The following NDST1 variants were observed in gnomAD, a reference collection of about 807,000 sequenced individuals.
NDST1 encodes the protein bifunctional heparan sulfate N-deacetylase/N-sulfotransferase 1.
In NDST1, 35 loss-of-function variants were observed where a neutral mutation model predicts 92.8. The ratio of observed to expected loss-of-function variants is 0.38; its 90% confidence interval spans 0.29 to 0.50. The LOEUF is 0.50. NDST1 is among the 20% of genes least tolerant of loss of function. The pLI is 0.94. For missense variants in NDST1, 822 were observed against 1,182.7 expected (o/e 0.69, Z 4.47); for synonymous variants, 493 against 500.3 (o/e 0.99, Z 0.19).
At chr5:150,541,135 G>A (rs1228002601) in intron 8 of NDST1, among the ~76,000 whole-genome samples, 1 of 152,200 alleles carries the variant, frequency 6.6e-6, no homozygotes, top group African/African-American at 2.4e-5. Context: ...AGACAGCCAC[G>A]CTCATTCTTG....
At chr5:150,528,996 C>T (rs1048173075) in intron 3 of NDST1, among the ~76,000 whole-genome samples, 6 of 151,946 alleles carry the variant, frequency 3.9e-5, no homozygotes, top group Admixed American at 2.0e-4. Flanking sequence ...AATGTCAGAG[C>T]GCCTACAAAA....
At chr5:150,546,538 G>A (rs1755492231) in intron 11 of NDST1, among the ~76,000 whole-genome samples, 1 of 152,382 alleles carries the variant, frequency 6.6e-6, no homozygotes, top group African/African-American at 2.4e-5. Context: ...CAGCAGACCA[G>A]GCCTGTGCTT....
At chr5:150,513,505 G>T (rs1164064441) in intron 1 of NDST1, among the ~76,000 whole-genome samples, 1 of 152,180 alleles carries the variant, frequency 6.6e-6, no homozygotes, top group Non-Finnish European at 1.5e-5. Flanking sequence ...TTCAAGCTCA[G>T]GCAGGCTAGC....
At position 150,553,257 on chromosome 5, in the gene NDST1, G is replaced by A. The variant is rs1178778709; in HGVS notation, c.2574G>A (p.Glu858=). Residue 858 remains glutamate (E), a synonymous_variant, in exon 15 of 15, where the codon GAG becomes GAA. Transcript: ENST00000261797. The surrounding 1 kb of genome is among the most constrained non-coding windows in gnomAD (Gnocchi z 4.2). ...ACTATTACCGGGACCACAACATCGA[G>A]CTCTCCAAGCTGCTGTATAAGATGG... The part of the protein sequence containing the change: ...LKDYYRDHNI[E]LSKLLYKMGQ... The A allele has an allele frequency of 6.2e-7, 1 of 1,613,812 alleles. No homozygotes were observed.
intron 3 of NDST1, among the ~76,000 whole-genome samples, chr5:150,529,522 T>G (rs184847287): frequency 2.5e-3 from 374 of 151,634 alleles, no homozygotes; most frequent in African/African-American, 8.6e-3. Context: ...CATTAAACAA[T>G]CTTTAAAATA....
Position 150,555,457 on chromosome 5 carries a change from T to C in NDST1, c.*2125T>C, listed in dbSNP as rs1009179361. ...GGTGGTTTCACTGTGTACACAGCAG[T>C]GTCCCCATCATGCCTCTCAATGGGG... On this transcript the variant is annotated 3_prime_UTR_variant, in exon 15 of 15. Transcript: ENST00000261797. 6.5e-6 allele frequency: 1 copy of C among 152,802 alleles called. No homozygotes were observed. Among genetic ancestry groups the C allele is most frequent in the African/African-American group, 2.4e-5 (1 of 41,478 alleles). The allele number at this position is 152,802 out of a possible 1,614,324, so 9.5% of individuals were successfully genotyped here.
intron 1 of NDST1, among the ~76,000 whole-genome samples, chr5:150,516,848 T>C (rs1204711125): frequency 6.6e-6 from 1 of 152,096 alleles, no homozygotes; most frequent in African/African-American, 2.4e-5. Context: ...GTATTTTTAG[T>C]GGAGATGGGG....
chr5:150,530,557 AT>A (rs71589713), intron 3 of NDST1, among the ~76,000 whole-genome samples: 3,331 of 126,990 alleles, frequency 0.026, 82 homozygotes, highest in African/African-American at 0.095. Flanking sequence ...CGTATTTTAA[AT>A]TTTTTTTTTT....
chr5:150,553,539 A>T lies in NDST1; in HGVS notation c.*207A>T. On this transcript the variant is annotated 3_prime_UTR_variant, in exon 15 of 15. Coordinates refer to ENST00000261797, the MANE Select transcript of NDST1 (RefSeq NM_001543.5). This position sits in a 1 kb window ranked among gnomAD's most constrained non-coding sequence, Gnocchi z 4.2. ...CACCGCTGGGTCTGCGGCCTAAGGG[A>T]CCTCCCTCGCCAGCAGAGGTCCATT... is the stretch of plus-strand genomic sequence containing the variant. 1.6e-6 allele frequency: 1 copy of T among 628,924 alleles called. No individual in the cohort carries two copies. Among genetic ancestry groups the T allele is most frequent in the East Asian group, 3.3e-5 (1 of 29,932 alleles). 39.0% of individuals were successfully genotyped at this position (628,924 alleles called of 1,614,324 possible). A position where few individuals can be genotyped will look rare whatever the true frequency, so the allele number is the denominator to read the frequency against.
chr5:150,535,181 C>T, intron 5 of NDST1, 160 bp downstream of exon 5: 1 of 804,430 alleles, frequency 1.2e-6, no homozygotes. Flanking sequence ...GCCACTGTCT[C>T]CTTGAAGCCC....
At chr5:150,529,260 A>G (rs900843252) in intron 3 of NDST1, among the ~76,000 whole-genome samples, 1 of 151,848 alleles carries the variant, frequency 6.6e-6, no homozygotes, top group Non-Finnish European at 1.5e-5. Flanking sequence ...GTGTGGTGGT[A>G]GTAGTCCTGT....
At chr5:150,544,453 A>G (rs148867578) in intron 10 of NDST1, among the ~76,000 whole-genome samples, 192 of 152,320 alleles carry the variant, frequency 1.3e-3, no homozygotes, top group African/African-American at 4.3e-3. Context: ...CCTTGGCCCA[A>G]TTCCCAAGAG....
Position 150,530,292 on chromosome 5 carries a change from G to A in NDST1, c.1008+1994G>A, listed in dbSNP as rs535882594. 9.2e-5 allele frequency among the ~76,000 whole-genome samples: 14 copies of A among 152,270 alleles called. No individual in the cohort carries two copies. In the South Asian group the frequency reaches 2.7e-3, roughly 29 times the overall value. ...TTAAAGGCTCTCCTGTTTAAAGAAC[G>A]TTTTAGCCTTCCAGTCTAAGTCTTC... On this transcript the variant is annotated intron_variant, in intron 3 of 14. Coordinates refer to ENST00000261797, the MANE Select transcript of NDST1 (RefSeq NM_001543.5).
In NDST1 at chr5:150,548,203, T is replaced by C. The variant is rs758213031; in HGVS notation, c.2146-15T>C. ...TCCTCCAAGTGGCATGCTGACCCTC[T>C]TTCCTTGCCTGCAGCACCAGCGAGC... On this transcript the variant is annotated splice_polypyrimidine_tract_variant and intron_variant, in intron 11 of 14. Coordinates refer to ENST00000261797, the MANE Select transcript of NDST1 (RefSeq NM_001543.5). 7.4e-6 allele frequency: 12 copies of C among 1,614,032 alleles called. No individual in the cohort carries two copies. Among genetic ancestry groups the C allele is most frequent in the East Asian group, 2.2e-5 (1 of 44,902 alleles).
chr5:150,523,017 G>T (rs1489851281), intron 2 of NDST1, among the ~76,000 whole-genome samples: 1 of 152,188 alleles, frequency 6.6e-6, no homozygotes, highest in Non-Finnish European at 1.5e-5. Context: ...AGGCCTTCCT[G>T]GTGCACTTGC....
At chr5:150,533,106 C>T (rs1268975146) in intron 4 of NDST1, 74 bp downstream of exon 4, 23 of 1,436,076 alleles carry the variant, frequency 1.6e-5, no homozygotes, top group East Asian at 2.3e-5. Context: ...AAGCACCCAT[C>T]CATGAGGGCA....
chr5:150,553,209 A>G lies in NDST1; in HGVS notation c.2530-4A>G. 2 of 1,612,630 alleles carry G rather than the reference A, an allele frequency of 1.2e-6. No homozygotes were observed. Among genetic ancestry groups the G allele is most frequent in the Non-Finnish European group, 1.7e-6 (2 of 1,179,042 alleles). On this transcript the variant is annotated splice_region_variant and splice_polypyrimidine_tract_variant and intron_variant, in intron 14 of 14. Transcript: ENST00000261797. The surrounding 1 kb of genome is among the most constrained non-coding windows in gnomAD (Gnocchi z 4.2). Reference sequence around the variant, plus strand: ...CAAGGTCTGAGCTTTCCTTCCCGTTACAGTCCCGAGCCTTCCTGAAGGACT... The same window carrying G: ...CAAGGTCTGAGCTTTCCTTCCCGTTGCAGTCCCGAGCCTTCCTGAAGGACT...
At position 150,553,662 on chromosome 5, in the gene NDST1, C is replaced by T. The variant is rs1218544295; in HGVS notation, c.*330C>T. On this transcript the variant is annotated 3_prime_UTR_variant, in exon 15 of 15. Coordinates refer to ENST00000261797, the MANE Select transcript of NDST1 (RefSeq NM_001543.5). The surrounding 1 kb of genome is among the most constrained non-coding windows in gnomAD (Gnocchi z 4.2). ...CTGTGTTCCGCCGACTGTCCCCTCT[C>T]GTCACCCATCACTCCCTGCTTCCGC... 1.4e-5 allele frequency: 6 copies of T among 416,180 alleles called. No homozygotes were observed. The highest frequency in any genetic ancestry group is 4.2e-5 in the South Asian group (2 of 47,916). The allele number at this position is 416,180 out of a possible 1,614,324, so 25.8% of individuals were successfully genotyped here.
chr5:150,526,719 T>C (rs933973329), intron 2 of NDST1, among the ~76,000 whole-genome samples: 1 of 152,044 alleles, frequency 6.6e-6, no homozygotes, highest in East Asian at 1.9e-4. Context: ...ATGCATTGGG[T>C]GTGAATTATG....
Sources: allele counts gnomAD v4.1 joint callset (sites outside exome capture counted in the v4.1 genomes callset), GRCh38; gene constraint gnomAD v4.1.1; non-coding constraint Gnocchi (gnomAD v3.1); transcripts MANE v1.5; gene names NCBI Gene and HGNC (gene_info 2026-07-23, HGNC 2026-07-21).